The following DLGAP2 variants were observed in gnomAD, a reference collection of about 807,000 sequenced individuals.
DLGAP2 encodes the protein DLG associated protein 2, also known as disks large-associated protein 2.
In DLGAP2, 26 loss-of-function variants were observed where a neutral mutation model predicts 100.3. That is an observed-to-expected ratio of 0.26 (90% CI 0.19 to 0.36). The LOEUF is 0.36. DLGAP2 is among the 10% of genes least tolerant of loss of function. DLGAP2 has a pLI of 1.00. For synonymous variants in DLGAP2, 886 were observed against 630.1 expected (o/e 1.41, Z -6.08); for missense variants, 1,858 against 1,453.2 (o/e 1.28, Z -4.53).
At chr8:1,068,442 C>T (rs1803323822) in intron 2 of DLGAP2, among the ~76,000 whole-genome samples, 2 of 152,208 alleles carry the variant, frequency 1.3e-5, no homozygotes, top group Admixed American at 6.5e-5. Context: ...TGTTCATCCA[C>T]GTCCTCAGCG....
chr8:1,290,819 G>C (rs1176110522), intron 3 of DLGAP2, among the ~76,000 whole-genome samples: 1 of 152,212 alleles, frequency 6.6e-6, no homozygotes, highest in South Asian at 2.1e-4. Flanking sequence ...ACAATACTGT[G>C]TAAGGTGGTG....
At chr8:1,130,193 G>A (rs1796260607) in intron 2 of DLGAP2, among the ~76,000 whole-genome samples, 1 of 152,154 alleles carries the variant, frequency 6.6e-6, no homozygotes, top group Non-Finnish European at 1.5e-5. Flanking sequence ...CAGTTAATCT[G>A]CCAGAAGTGA....
chr8:1,287,611 T>TGAG (rs1799965478), intron 3 of DLGAP2, among the ~76,000 whole-genome samples: 3 of 37,004 alleles, frequency 8.1e-5, no homozygotes, highest in African/African-American at 2.1e-4. Flanking sequence ...TGTGGTTCTG[T>TGAG]TAGGGGAACT....
chr8:849,681 T>A (rs902203001), intron 1 of DLGAP2, among the ~76,000 whole-genome samples: 6 of 152,208 alleles, frequency 3.9e-5, no homozygotes, highest in African/African-American at 1.4e-4. Context: ...AAGGTTTTAC[T>A]GCATTTCCCC....
At chr8:1,317,435 T>C (rs563542837) in intron 3 of DLGAP2, among the ~76,000 whole-genome samples, 17 of 99,348 alleles carry the variant, frequency 1.7e-4, no homozygotes, top group South Asian at 1.6e-3. Context: ...TCGAGAAACT[T>C]CGCAGCTTTT....
At chr8:1,183,021 G>T (rs943398005) in intron 2 of DLGAP2, among the ~76,000 whole-genome samples, 1 of 152,226 alleles carries the variant, frequency 6.6e-6, no homozygotes, top group African/African-American at 2.4e-5. Flanking sequence ...CACTGCCAGT[G>T]CGGGGAACGT....
intron 8 of DLGAP2, among the ~76,000 whole-genome samples, chr8:1,654,661 CAAAAAAA>C (rs763257486): frequency 2.2e-5 from 2 of 92,666 alleles, no homozygotes; most frequent in Non-Finnish European, 4.5e-5. Flanking sequence ...AACTCCGTCT[CAAAAAAA>C]AAAAAAAAAA....
intron 3 of DLGAP2, among the ~76,000 whole-genome samples, chr8:1,451,913 GC>G (rs1489248543): frequency 1.3e-5 from 2 of 152,214 alleles, no homozygotes; most frequent in Non-Finnish European, 2.9e-5. Flanking sequence ...CACGGCCCAG[GC>G]CCCACACCCT....
At chr8:976,310 C>T (rs954528031) in intron 2 of DLGAP2, among the ~76,000 whole-genome samples, 1 of 152,088 alleles carries the variant, frequency 6.6e-6, no homozygotes. Flanking sequence ...ATGGAAAGCC[C>T]AGAAAATAGA....
At chr8:1,018,121 C>T (rs1168609145) in intron 2 of DLGAP2, among the ~76,000 whole-genome samples, 1 of 151,708 alleles carries the variant, frequency 6.6e-6, no homozygotes, top group Non-Finnish European at 1.5e-5. Flanking sequence ...CCTGCCCCTA[C>T]AGGCCCTCCA....
At chr8:1,495,642 G>T (rs1026038016) in intron 3 of DLGAP2, among the ~76,000 whole-genome samples, 1 of 152,166 alleles carries the variant, frequency 6.6e-6, no homozygotes, top group Non-Finnish European at 1.5e-5. Context: ...GAGGACCCTG[G>T]CTTTGATCTG....
chr8:777,537 G>A (rs1821558793), intron 1 of DLGAP2, among the ~76,000 whole-genome samples: 1 of 151,898 alleles, frequency 6.6e-6, no homozygotes, highest in African/African-American at 2.4e-5. Context: ...CTCTTTTAGG[G>A]CAGGCCTGGT....
intron 3 of DLGAP2, among the ~76,000 whole-genome samples, chr8:1,387,022 A>T (rs1388266050): frequency 6.6e-6 from 1 of 152,230 alleles, no homozygotes; most frequent in Non-Finnish European, 1.5e-5. Context: ...CTAAATGTTA[A>T]TTGGACGTCA....
At chr8:1,645,430 C>T (rs543933592) in intron 8 of DLGAP2, among the ~76,000 whole-genome samples, 6 of 152,138 alleles carry the variant, frequency 3.9e-5, no homozygotes, top group African/African-American at 1.2e-4. Context: ...GGCTAAGTTA[C>T]GATGTTTGGT....
At chr8:1,333,913 G>C (rs1183833087) in intron 3 of DLGAP2, among the ~76,000 whole-genome samples, 2 of 152,252 alleles carry the variant, frequency 1.3e-5, no homozygotes, top group African/African-American at 4.8e-5. Flanking sequence ...TCCCATCTGA[G>C]GCTCAGCCCT....
intron 12 of DLGAP2, among the ~76,000 whole-genome samples, chr8:1,690,387 C>G (rs994962702): frequency 6.6e-6 from 1 of 151,100 alleles, no homozygotes; most frequent in African/African-American, 2.4e-5. Context: ...AAAATAAACA[C>G]ACACACATAC....
intron 3 of DLGAP2, among the ~76,000 whole-genome samples, chr8:1,321,127 ATG>A (rs1396533187): frequency 6.8e-6 from 1 of 146,362 alleles, no homozygotes; most frequent in East Asian, 2.0e-4. Context: ...GTGTGCATCC[ATG>A]TGTCTCTGCA....
intron 3 of DLGAP2, among the ~76,000 whole-genome samples, chr8:1,307,655 GC>G (rs1238814855): frequency 2.0e-5 from 3 of 152,150 alleles, no homozygotes; most frequent in Non-Finnish European, 2.9e-5. Flanking sequence ...GCAAAATGGG[GC>G]CTAGACGGGT....
intron 2 of DLGAP2, among the ~76,000 whole-genome samples, chr8:921,861 C>T (rs1179617317): frequency 1.3e-5 from 2 of 152,254 alleles, no homozygotes; most frequent in Non-Finnish European, 2.9e-5. Flanking sequence ...TCTCTGCTCT[C>T]CTCTGAGAAC....
Sources: gnomAD v4.1 joint callset for allele counts (sites outside exome capture counted in the v4.1 genomes callset) on GRCh38, gnomAD v4.1.1 for gene constraint, MANE v1.5 for transcripts, NCBI Gene and HGNC (gene_info 2026-07-23, HGNC 2026-07-21) for gene names.